Variants in PAMR1 observed in about 807,000 individuals in gnomAD.
PAMR1 encodes peptidase domain containing associated with muscle regeneration 1, also known as inactive serine protease PAMR1.
A neutral mutation model predicts 81.8 loss-of-function variants in PAMR1; 88 were observed. The ratio of observed to expected loss-of-function variants is 1.08; its 90% CI spans 0.91 to 1.28. PAMR1 has a LOEUF of 1.28. Ranked by LOEUF, PAMR1 falls within the 50% of genes most tolerant of loss-of-function variation. The pLI is 0.00. For missense variants in PAMR1, 935 were observed against 919.7 expected (o/e 1.02, Z -0.21); for synonymous variants, 336 against 345.3 (o/e 0.97, Z 0.30).
intron 1 of PAMR1, among the ~76,000 whole-genome samples, chr11:35,495,751 AG>A (rs1237321941): frequency 6.6e-6 from 1 of 152,174 alleles, no homozygotes; most frequent in Non-Finnish European, 1.5e-5. Flanking sequence ...AGTGTGACAC[AG>A]GGTTGATCAC....
chr11:35,511,385 C>A (rs1851069964), intron 1 of PAMR1, among the ~76,000 whole-genome samples: 1 of 152,188 alleles, frequency 6.6e-6, no homozygotes, highest in South Asian at 2.1e-4. Context: ...CTGTTAAGGT[C>A]AACCTGAAAA....
chr11:35,476,160 T>G (rs1850279467), intron 3 of PAMR1, among the ~76,000 whole-genome samples: 1 of 152,190 alleles, frequency 6.6e-6, no homozygotes, highest in African/African-American at 2.4e-5. Context: ...AGATCTTTAT[T>G]GCTGCTGCCC....
At chr11:35,496,922 T>C (rs543738062) in intron 1 of PAMR1, among the ~76,000 whole-genome samples, 1 of 152,234 alleles carries the variant, frequency 6.6e-6, no homozygotes, top group East Asian at 1.9e-4. Flanking sequence ...TCCCAACACT[T>C]TGGGAGGCTG....
Position 35,494,118 on chromosome 11 carries a change from ACACT to A in PAMR1, c.224_227del (p.Glu75ValfsTer5), listed in dbSNP as rs888557323. On this transcript the variant is annotated frameshift_variant, in exon 2 of 11. Coordinates refer to ENST00000619888, the MANE Select transcript of PAMR1 (RefSeq NM_001001991.3). LOFTEE classifies it high-confidence loss of function. Reference sequence around the variant, plus strand: ...CACCTGGGTGGATCAGGCAGGAGTCACACTCATTCTCCTCATTCCTGCAGCAAGG... The same window carrying A: ...CACCTGGGTGGATCAGGCAGGAGTCACATTCTCCTCATTCCTGCAGCAAGG... 12 of 1,614,024 alleles carry A rather than the reference ACACT, an allele frequency of 7.4e-6. No individual in the cohort carries two copies. In the Admixed American group the frequency reaches 1.5e-4, roughly 20 times the overall value.
At chr11:35,453,490 C>T in intron 6 of PAMR1, 1 of 148,674 alleles carries the variant, frequency 6.7e-6, no homozygotes, top group East Asian at 2.0e-4. Flanking sequence ...CCTTACCTCT[C>T]ATTTATTTTC....
At chr11:35,486,276 C>T (rs1850504173) in intron 3 of PAMR1, among the ~76,000 whole-genome samples, 1 of 152,182 alleles carries the variant, frequency 6.6e-6, no homozygotes, top group Non-Finnish European at 1.5e-5. Flanking sequence ...CGTAATTGAA[C>T]AAGCAAAACT....
chr11:35,457,340 G>C (rs1035671507), intron 6 of PAMR1, among the ~76,000 whole-genome samples: 6 of 152,062 alleles, frequency 3.9e-5, no homozygotes, highest in Non-Finnish European at 5.9e-5. Context: ...CAGCACTCTT[G>C]GTTCTTAGGC....
chr11:35,465,128 A>G (rs532428661), intron 6 of PAMR1, among the ~76,000 whole-genome samples: 46 of 152,284 alleles, frequency 3.0e-4, no homozygotes, highest in African/African-American at 9.6e-4. Context: ...TTTGATGGGG[A>G]CCAGTGTCTT....
chr11:35,468,426 T>C (rs965732045), intron 5 of PAMR1, among the ~76,000 whole-genome samples: 7 of 152,178 alleles, frequency 4.6e-5, no homozygotes, highest in Non-Finnish European at 8.8e-5. Context: ...ATCTCTCCCA[T>C]AGGGGTTTCA....
intron 2 of PAMR1, among the ~76,000 whole-genome samples, chr11:35,493,704 C>G (rs1447036144): frequency 6.6e-6 from 1 of 152,180 alleles, no homozygotes; most frequent in South Asian, 2.1e-4. Flanking sequence ...CCATAGTACC[C>G]CATGCTTCTC....
At chr11:35,454,880 A>G (rs187486832) in intron 6 of PAMR1, among the ~76,000 whole-genome samples, 274 of 152,322 alleles carry the variant, frequency 1.8e-3, no homozygotes, top group Non-Finnish European at 3.2e-3. Flanking sequence ...GTTTTACCTG[A>G]AAGAATTAGG....
intron 6 of PAMR1, among the ~76,000 whole-genome samples, chr11:35,455,470 G>A (rs1367458548): frequency 6.6e-6 from 1 of 152,152 alleles, no homozygotes; most frequent in Admixed American, 6.5e-5. Context: ...CTATCCACCA[G>A]TGTATGCCTG....
intron 1 of PAMR1, among the ~76,000 whole-genome samples, chr11:35,500,350 C>G (rs1381931757): frequency 6.6e-6 from 1 of 152,118 alleles, no homozygotes; most frequent in Non-Finnish European, 1.5e-5. Context: ...AATCGATGAA[C>G]TCATTCTTTT....
intron 6 of PAMR1, among the ~76,000 whole-genome samples, chr11:35,456,130 T>C (rs936971168): frequency 2.6e-5 from 4 of 152,130 alleles, no homozygotes; most frequent in African/African-American, 7.2e-5. Context: ...GGAGAATAAA[T>C]ACATATATAA....
intron 6 of PAMR1, among the ~76,000 whole-genome samples, chr11:35,465,752 T>C (rs1396929504): frequency 1.3e-5 from 2 of 152,256 alleles, no homozygotes; most frequent in African/African-American, 2.4e-5. Flanking sequence ...CTAAGGGAAT[T>C]ATGACTTTTG....
At chr11:35,508,265 G>A (rs535926298) in intron 1 of PAMR1, among the ~76,000 whole-genome samples, 1 of 152,270 alleles carries the variant, frequency 6.6e-6, no homozygotes, top group Admixed American at 6.5e-5. Context: ...TGAGTCAGAA[G>A]AAAATTTTCA....
chr11:35,490,174 AGAACAGTATG>A (rs1442694418), intron 3 of PAMR1, among the ~76,000 whole-genome samples: 1 of 152,230 alleles, frequency 6.6e-6, no homozygotes, highest in Non-Finnish European at 1.5e-5. Flanking sequence ...CACTACCATG[AGAACAGTATG>A]GAGGAAACTA....
intron 1 of PAMR1, among the ~76,000 whole-genome samples, chr11:35,494,876 T>C (rs542527471): frequency 2.0e-5 from 3 of 152,266 alleles, no homozygotes; most frequent in Admixed American, 6.5e-5. Flanking sequence ...TTCATCAATA[T>C]ATAATCTAGG....
At chr11:35,451,918 T>C in intron 6 of PAMR1, 1 of 701,060 alleles carries the variant, frequency 1.4e-6, no homozygotes, top group East Asian at 2.8e-5. Context: ...GCCTTGATCT[T>C]GGACTTCCCA....
Sources: gnomAD v4.1 joint callset for allele counts (sites outside exome capture counted in the v4.1 genomes callset) on GRCh38, gnomAD v4.1.1 for gene constraint, MANE v1.5 for transcripts, NCBI Gene and HGNC (gene_info 2026-07-23, HGNC 2026-07-21) for gene names.